Variants in RAET1E observed in about 807,000 individuals in gnomAD.
RAET1E encodes the protein retinoic acid early transcript 1E.
RAET1E carries 27 observed loss-of-function variants against 21.1 expected under a neutral mutation model. The observed-to-expected ratio is 1.28, with a 90% CI of 0.94 to 1.76. RAET1E has a LOEUF of 1.76. RAET1E is among the 40% of genes most tolerant of loss of function. The pLI is 0.00. For synonymous variants in RAET1E, 113 were observed against 115.0 expected (o/e 0.98, Z 0.11); for missense variants, 310 against 311.3 (o/e 1.00, Z 0.03).
chr6:149,884,486 C>T lies in RAET1E; in HGVS notation c.*4012G>A, dbSNP rs757365879. On this transcript the variant is annotated 3_prime_UTR_variant, in exon 6 of 6. Transcript: ENST00000357183. ...CAACTCTGCGCCGCCGTGGTATCAC[C>T]TCTAGGTGGATCTTCTGCCTTTAGG... 1 of 1,536,012 alleles carries T rather than the reference C, an allele frequency of 6.5e-7. No homozygotes were observed.
chr6:149,889,055 G>A, intron 5 of RAET1E: 1 of 1,357,758 alleles, frequency 7.4e-7, no homozygotes, highest in South Asian at 1.8e-5. Flanking sequence ...AGGAAGAGAA[G>A]GCCTGGATGT....
intron 5 of RAET1E, chr6:149,889,042 T>C (rs1777753808): frequency 1.5e-5 from 20 of 1,318,022 alleles, no homozygotes; most frequent in Non-Finnish European, 2.0e-5. Flanking sequence ...GTAATTATAA[T>C]AGAGGAAGAG....
intron 3 of RAET1E, 97 bp downstream of exon 3, chr6:149,890,720 C>A: frequency 3.7e-6 from 3 of 806,876 alleles, no homozygotes; most frequent in South Asian, 1.4e-5. Flanking sequence ...GAGCAGGCAC[C>A]CACTTGTCTG....
rs1000729489 is a variant in RAET1E at position 149,886,592 on chromosome 6, G to T, written c.*1906C>A. On this transcript the variant is annotated 3_prime_UTR_variant, in exon 6 of 6. Coordinates refer to ENST00000357183, the MANE Select transcript of RAET1E (RefSeq NM_001394057.1). ...GTATTTTTAGTAGAGACAGGGTTTC[G>T]CCATGTTGGCCAGGCTGGTCTCGAA... Among the ~76,000 whole-genome samples the T allele has an allele frequency of 1.1e-4, 16 of 152,050 alleles. No individual in the cohort carries two copies. The highest frequency in any genetic ancestry group is 3.9e-4 in the African/African-American group (16 of 41,416).
rs1191912551 is a variant in RAET1E at position 149,885,480 on chromosome 6, T to G, written c.*3018A>C. Reference sequence around the variant, plus strand: ...CTATGGTGAGATTTGGCAGGGGTCTTGGGGAGACTTAGCAACCTCATTTCT... The same window carrying G: ...CTATGGTGAGATTTGGCAGGGGTCTGGGGGAGACTTAGCAACCTCATTTCT... On this transcript the variant is annotated 3_prime_UTR_variant, in exon 6 of 6. Transcript: ENST00000357183. 6.6e-6 allele frequency: 1 copy of G among 152,162 alleles called. No homozygotes were observed. Among genetic ancestry groups the G allele is most frequent in the African/African-American group, 2.4e-5 (1 of 41,416 alleles). 9.4% of individuals were successfully genotyped at this position (152,162 alleles called of 1,614,324 possible).
intron 1 of RAET1E, among the ~76,000 whole-genome samples, chr6:149,897,774 G>C (rs761167301): frequency 3.9e-5 from 6 of 152,106 alleles, no homozygotes; most frequent in Non-Finnish European, 8.8e-5. Flanking sequence ...CTCCAGACTG[G>C]AAGGAGGCAC....
chr6:149,888,671 A>AAAAG lies in RAET1E; in HGVS notation c.623-5_623-4insCTTT. The AAAAG allele has an allele frequency of 1.5e-6, 1 of 687,394 alleles. No individual in the cohort carries two copies. Among genetic ancestry groups the AAAAG allele is most frequent in the Non-Finnish European group, 2.2e-6 (1 of 453,508 alleles). 42.6% of individuals were successfully genotyped at this position (687,394 alleles called of 1,614,324 possible). The stretch of plus-strand genomic sequence containing the variant: ...TCTGAAGCATTTACTGGTGACACTA[A>AAAAG]AAAAAAAAAAAAAAAGAAAAAAAAG... On this transcript the variant is annotated splice_polypyrimidine_tract_variant and splice_region_variant and intron_variant, in intron 5 of 5. Coordinates refer to ENST00000357183, the MANE Select transcript of RAET1E (RefSeq NM_001394057.1).
intron 2 of RAET1E, among the ~76,000 whole-genome samples, chr6:149,895,118 C>T (rs1412686431): frequency 1.3e-5 from 2 of 152,218 alleles, no homozygotes; most frequent in Admixed American, 6.5e-5. Flanking sequence ...GCTGCCTGTT[C>T]CTTCCTCTGG....
intron 5 of RAET1E, 67 bp downstream of exon 5, chr6:149,889,281 C>A: frequency 6.3e-7 from 1 of 1,585,578 alleles, no homozygotes; most frequent in Non-Finnish European, 8.6e-7. Flanking sequence ...CACACACTGA[C>A]ACCCACACAG....
At chr6:149,893,513 G>A (rs1230118538) in intron 2 of RAET1E, among the ~76,000 whole-genome samples, 1 of 152,136 alleles carries the variant, frequency 6.6e-6, no homozygotes, top group Non-Finnish European at 1.5e-5. Context: ...GTCTGTTATT[G>A]TTGCATAGGA....
chr6:149,892,687 T>C (rs1215527816), intron 2 of RAET1E, among the ~76,000 whole-genome samples: 1 of 152,268 alleles, frequency 6.6e-6, no homozygotes, highest in Non-Finnish European at 1.5e-5. Context: ...TTTCTTTTGC[T>C]GTGCAGAAGC....
At chr6:149,897,075 C>T (rs577220352) in intron 1 of RAET1E, among the ~76,000 whole-genome samples, 1 of 152,314 alleles carries the variant, frequency 6.6e-6, no homozygotes, top group African/African-American at 2.4e-5. Flanking sequence ...GCTCTGTCAT[C>T]CAGGTGGAGT....
intron 2 of RAET1E, among the ~76,000 whole-genome samples, chr6:149,891,563 C>T (rs905623305): frequency 3.0e-4 from 46 of 151,910 alleles, no homozygotes; most frequent in African/African-American, 1.1e-3. Context: ...CTACATGTAT[C>T]AGGCACTATC....
Position 149,890,757 on chromosome 6 carries a change from A to AC in RAET1E, c.85+59dup, listed in dbSNP as rs934045527. ...AGCCTGCATGAAGCCCCATTCGCCT[A>AC]CCCCCTACCTTTCTCCCTCCTCCTT... On this transcript the variant is annotated intron_variant, in intron 3 of 5. Coordinates refer to ENST00000357183, the MANE Select transcript of RAET1E (RefSeq NM_001394057.1). 4 of 1,200,920 alleles carry AC rather than the reference A, an allele frequency of 3.3e-6. No homozygotes were observed. The Admixed American group carries it at 6.8e-5, about 20-fold the overall frequency. 74.4% of individuals were successfully genotyped at this position (1,200,920 alleles called of 1,614,324 possible).
rs993931527 is a variant in RAET1E, at chr6:149,887,572, T to C, written c.*926A>G. Among the ~76,000 whole-genome samples the C allele has an allele frequency of 1.3e-5, 2 of 152,192 alleles. No individual in the cohort carries two copies. The highest frequency in any genetic ancestry group is 4.8e-5 in the African/African-American group (2 of 41,440). On this transcript the variant is annotated 3_prime_UTR_variant, in exon 6 of 6. Transcript: ENST00000357183. ...ACAGACACATATCTGAGTCATGGTA[T>C]TCGTTTAAGCAATGAAAAGGGTAGA... is the stretch of plus-strand genomic sequence containing the variant.
chr6:149,888,597 C>T lies in RAET1E; in HGVS notation c.693G>A (p.Gly231=). 3.7e-6 allele frequency: 6 copies of T among 1,612,006 alleles called. No individual in the cohort carries two copies. The highest frequency in any genetic ancestry group is 5.1e-6 in the Non-Finnish European group (6 of 1,179,726). The change falls in exon 6 of 6, where the codon GGG becomes GGA. Residue 231 remains glycine, a synonymous_variant. Coordinates refer to ENST00000357183, the MANE Select transcript of RAET1E (RefSeq NM_001394057.1). The part of the protein sequence containing the change: ...SSLPDRWIIL[G]AFILLVLMGI... The stretch of plus-strand genomic sequence containing the variant: ...CCATTAAAACTAACAGGATGAATGC[C>T]CCCAGGATGATCCATCTATCTGGTA...
At chr6:149,896,678 G>T (rs1261784523) in intron 1 of RAET1E, among the ~76,000 whole-genome samples, 1 of 151,938 alleles carries the variant, frequency 6.6e-6, no homozygotes, top group Non-Finnish European at 1.5e-5. Flanking sequence ...ATGGGTGCTT[G>T]TGTGTGTGTG....
At chr6:149,892,508 T>C (rs1023211884) in intron 2 of RAET1E, among the ~76,000 whole-genome samples, 1 of 152,244 alleles carries the variant, frequency 6.6e-6, no homozygotes, top group Non-Finnish European at 1.5e-5. Context: ...AATATCTTCT[T>C]TGGAGAAGGG....
intron 2 of RAET1E, among the ~76,000 whole-genome samples, chr6:149,891,295 CT>C: frequency 6.6e-6 from 1 of 152,000 alleles, no homozygotes; most frequent in Non-Finnish European, 1.5e-5. Context: ...TTGCTTTTCC[CT>C]TTCTTCCTGG....
Sources: allele counts gnomAD v4.1 joint callset (sites outside exome capture counted in the v4.1 genomes callset), GRCh38; gene constraint gnomAD v4.1.1; transcripts MANE v1.5; gene names NCBI Gene and HGNC (gene_info 2026-07-23, HGNC 2026-07-21).